Variants in LRP1B observed in about 807,000 individuals in gnomAD.
LRP1B encodes low-density lipoprotein receptor-related protein 1B.
LRP1B carries 217 observed loss-of-function variants against 556.6 expected under a neutral mutation model. The ratio of observed to expected loss-of-function variants is 0.39; its 90% CI spans 0.35 to 0.44. The LOEUF (loss-of-function observed/expected upper bound fraction) is 0.44, where lower values mean the gene tolerates loss of function less well. Among genes scored for constraint, LRP1B ranks in the 20% least tolerant of loss-of-function variants. The pLI is 1.00. For missense variants in LRP1B, 5,053 were observed against 5,620.8 expected (o/e 0.90, Z 3.23); for synonymous variants, 2,047 against 1,865.8 (o/e 1.10, Z -2.50).
intron 2 of LRP1B, among the ~76,000 whole-genome samples, chr2:141,509,108 C>A (rs6737585): frequency 0.97 from 148,256 of 152,176 alleles, 72,331 homozygotes; most frequent in East Asian, 1. Context: ...CAATTTAGGG[C>A]GCTTTCAAAA....
intron 8 of LRP1B, among the ~76,000 whole-genome samples, 166 bp downstream of exon 8, chr2:141,061,885 T>A (rs942924828): frequency 3.3e-5 from 5 of 151,866 alleles, no homozygotes; most frequent in Non-Finnish European, 1.5e-5. Flanking sequence ...TGTGGAAATA[T>A]CACAATATCA....
At chr2:141,524,215 T>C (rs924653857) in intron 2 of LRP1B, among the ~76,000 whole-genome samples, 1 of 151,562 alleles carries the variant, frequency 6.6e-6, no homozygotes, top group Non-Finnish European at 1.5e-5. Context: ...GGGTGCTCAA[T>C]AAAACTTCTA....
At chr2:141,751,652 C>G (rs971064477) in intron 2 of LRP1B, among the ~76,000 whole-genome samples, 6 of 152,066 alleles carry the variant, frequency 3.9e-5, no homozygotes, top group African/African-American at 1.4e-4. Flanking sequence ...AAAGCATTTT[C>G]ATGGTCAATT....
intron 3 of LRP1B, among the ~76,000 whole-genome samples, chr2:141,269,528 A>G (rs1170737246): frequency 6.6e-6 from 1 of 152,212 alleles, no homozygotes; most frequent in Non-Finnish European, 1.5e-5. Context: ...CCCACTGTCA[A>G]CACAGGGTAA....
intron 41 of LRP1B, among the ~76,000 whole-genome samples, chr2:140,633,994 A>G (rs1170627453): frequency 6.6e-6 from 1 of 152,180 alleles, no homozygotes; most frequent in Non-Finnish European, 1.5e-5. Context: ...AAGACATTAT[A>G]AGAAAGGAAA....
At chr2:140,239,601 C>T (rs1680862254) in intron 87 of LRP1B, 69 bp from the exon 88 acceptor site, 1 of 938,308 alleles carries the variant, frequency 1.1e-6, no homozygotes, top group Non-Finnish European at 1.6e-6. Flanking sequence ...AAACTAAGTA[C>T]TTTATTATAC....
intron 7 of LRP1B, among the ~76,000 whole-genome samples, chr2:141,105,682 G>T (rs778399796): frequency 3.3e-5 from 5 of 150,642 alleles, no homozygotes; most frequent in African/African-American, 4.8e-5. Flanking sequence ...TTTATTCTCT[G>T]AAACAATTGT....
intron 1 of LRP1B, among the ~76,000 whole-genome samples, chr2:142,040,863 C>T (rs1704042561): frequency 6.6e-6 from 1 of 150,904 alleles, no homozygotes; most frequent in African/African-American, 2.4e-5. Context: ...AATTGACAGC[C>T]AAGACATATA....
chr2:141,078,733 G>A (rs1699853734), intron 7 of LRP1B, among the ~76,000 whole-genome samples: 1 of 152,140 alleles, frequency 6.6e-6, no homozygotes, highest in Non-Finnish European at 1.5e-5. Flanking sequence ...CTGCTTTTAA[G>A]TATTATATCA....
chr2:140,386,620 G>C (rs1385758085), intron 66 of LRP1B, among the ~76,000 whole-genome samples: 1 of 152,064 alleles, frequency 6.6e-6, no homozygotes, highest in Non-Finnish European at 1.5e-5. Flanking sequence ...CTGAGTACCA[G>C]GAAAGTATTA....
intron 7 of LRP1B, among the ~76,000 whole-genome samples, chr2:141,114,993 C>A (rs1024527394): frequency 3.7e-4 from 57 of 152,136 alleles, no homozygotes; most frequent in African/African-American, 1.4e-3. Context: ...ACGTACACTC[C>A]TTTCCGAAGG....
At chr2:141,525,489 G>C (rs1056962033) in intron 2 of LRP1B, among the ~76,000 whole-genome samples, 3 of 151,928 alleles carry the variant, frequency 2.0e-5, no homozygotes, top group Non-Finnish European at 1.5e-5. Flanking sequence ...AGCAACTTTT[G>C]AGGGGCTTTT....
chr2:141,975,381 A>T (rs576611025), intron 1 of LRP1B, among the ~76,000 whole-genome samples: 1 of 152,082 alleles, frequency 6.6e-6, no homozygotes, highest in South Asian at 2.1e-4. Flanking sequence ...TCTGTTGGTA[A>T]ATTAGCCTCC....
chr2:141,764,193 T>A (rs555409199), intron 2 of LRP1B, among the ~76,000 whole-genome samples: 8 of 152,196 alleles, frequency 5.3e-5, no homozygotes, highest in African/African-American at 1.7e-4. Flanking sequence ...GGTGTCTTTT[T>A]TTTTTGAGAC....
At chr2:140,451,934 T>G (rs1451172905) in intron 62 of LRP1B, among the ~76,000 whole-genome samples, 1 of 152,124 alleles carries the variant, frequency 6.6e-6, no homozygotes, top group African/African-American at 2.4e-5. Flanking sequence ...CAAAAAGTCA[T>G]GAGAAAGGTA....
intron 2 of LRP1B, among the ~76,000 whole-genome samples, chr2:141,624,764 ATTTATTT>A (rs1331173127): frequency 6.6e-6 from 1 of 151,980 alleles, no homozygotes; most frequent in African/African-American, 2.4e-5. Flanking sequence ...TTATGTATTT[ATTTATTT>A]TTTATTTTTA....
chr2:142,121,948 G>A (rs1211529305), intron 1 of LRP1B, among the ~76,000 whole-genome samples: 1 of 152,046 alleles, frequency 6.6e-6, no homozygotes, highest in Non-Finnish European at 1.5e-5. Context: ...AATGTAAAGA[G>A]CTTCTTGCTA....
intron 18 of LRP1B, among the ~76,000 whole-genome samples, chr2:140,970,599 C>T (rs1400776884): frequency 6.6e-6 from 1 of 152,050 alleles, no homozygotes; most frequent in Non-Finnish European, 1.5e-5. Flanking sequence ...GCAGAAATCA[C>T]CTGTTTTCTG....
chr2:141,883,987 C>T (rs1699033587), intron 1 of LRP1B, among the ~76,000 whole-genome samples: 1 of 152,220 alleles, frequency 6.6e-6, no homozygotes, highest in Middle Eastern at 3.4e-3. Flanking sequence ...TTTCAAGCAA[C>T]CAAATTGTTT....
Sources: allele counts gnomAD v4.1 joint callset (sites outside exome capture counted in the v4.1 genomes callset), GRCh38; gene constraint gnomAD v4.1.1; transcripts MANE v1.5; gene names NCBI Gene and HGNC (gene_info 2026-07-23, HGNC 2026-07-21).